KLF15: variants seen among roughly 807,000 people sequenced by gnomAD.
The protein encoded by KLF15 is Krueppel-like factor 15.
A neutral mutation model predicts 24.6 loss-of-function variants in KLF15; 4 were observed. That is an observed-to-expected ratio of 0.16 (90% CI 0.08 to 0.37). The LOEUF (loss-of-function observed/expected upper bound fraction) is 0.37. Ranked by LOEUF, KLF15 falls within the 10% of genes least tolerant of loss-of-function variation. The pLI, the probability that KLF15 is intolerant of heterozygous loss-of-function variation, is 1.00. For synonymous variants in KLF15, 246 were observed against 236.3 expected (o/e 1.04, Z -0.37); for missense variants, 496 against 560.6 (o/e 0.88, Z 1.16).
chr3:126,304,433 C>T, the KLF15 span, among the ~76,000 whole-genome samples: 4 of 152,158 alleles, frequency 2.6e-5, no homozygotes, highest in Admixed American at 6.5e-5. Context: ...ATTGTTCCCT[C>T]TAATCTTTTC....
At chr3:126,304,804 C>T in the KLF15 span, among the ~76,000 whole-genome samples, 1 of 152,212 alleles carries the variant, frequency 6.6e-6, no homozygotes, top group African/African-American at 2.4e-5. Context: ...TTGAAATTCA[C>T]CGAGTATGAG....
the KLF15 span, among the ~76,000 whole-genome samples, chr3:126,289,929 G>A: frequency 6.6e-6 from 1 of 152,214 alleles, no homozygotes; most frequent in Non-Finnish European, 1.5e-5. Context: ...GGGACAGAGG[G>A]AGGGTATGGT....
At chr3:126,332,295 C>T in the KLF15 span, among the ~76,000 whole-genome samples, 4 of 148,538 alleles carry the variant, frequency 2.7e-5, no homozygotes, top group African/African-American at 9.9e-5. Context: ...TGGGAGGCAC[C>T]CCCCAGCAGG....
At chr3:126,307,061 TCA>T in the KLF15 span, among the ~76,000 whole-genome samples, 1 of 152,190 alleles carries the variant, frequency 6.6e-6, no homozygotes, top group Non-Finnish European at 1.5e-5. Flanking sequence ...CTGCTTCCTC[TCA>T]CAGAGCACTT....
the KLF15 span, among the ~76,000 whole-genome samples, chr3:126,291,679 G>A: frequency 6.6e-6 from 1 of 152,256 alleles, no homozygotes. Flanking sequence ...CAGGCTCACA[G>A]ATGTCCCTGG....
chr3:126,347,238 G>A (rs771420601), intron 2 of KLF15, among the ~76,000 whole-genome samples: 45 of 152,252 alleles, frequency 3.0e-4, no homozygotes, highest in Middle Eastern at 6.8e-3. Context: ...AGACAACACC[G>A]CAAACAGTCC....
the KLF15 span, among the ~76,000 whole-genome samples, chr3:126,293,644 C>A: frequency 0.031 from 4,676 of 152,238 alleles, 227 homozygotes; most frequent in African/African-American, 0.11. Flanking sequence ...CCAGAAGACC[C>A]TGCAGAAAGT....
the KLF15 span, chr3:126,291,334 AC>A: frequency 2.0e-5 from 3 of 152,304 alleles, no homozygotes; most frequent in Non-Finnish European, 2.9e-5. Context: ...CTGACACCGC[AC>A]AAAAGAGGTC....
the KLF15 span, among the ~76,000 whole-genome samples, chr3:126,302,379 T>C: frequency 6.6e-6 from 1 of 152,218 alleles, no homozygotes; most frequent in Non-Finnish European, 1.5e-5. Context: ...GTTCTATAAA[T>C]GTCCATTAGG....
the KLF15 span, among the ~76,000 whole-genome samples, chr3:126,310,326 G>T: frequency 1.3e-5 from 2 of 152,220 alleles, no homozygotes; most frequent in Non-Finnish European, 2.9e-5. Flanking sequence ...TTTTGCCCAG[G>T]CCTGGCTGCA....
At position 126,343,614 on chromosome 3, in the gene KLF15, TG is replaced by T. The variant is rs2082501894; in HGVS notation, c.*112del. 4 of 1,061,930 alleles carry T rather than the reference TG, an allele frequency of 3.8e-6. No homozygotes were observed. Among genetic ancestry groups the T allele is most frequent in the African/African-American group, 3.3e-5 (2 of 60,622 alleles). 65.8% of individuals were successfully genotyped at this position (1,061,930 alleles called of 1,614,324 possible). On this transcript the variant is annotated 3_prime_UTR_variant, in exon 3 of 3. Transcript: ENST00000296233. ...TTCACACCTCCCAGGCTTCAGAAGG[TG>T]GGCTGGTAACATTGCCATGTCCCTC...
At chr3:126,351,434 G>A (rs1015223673) in intron 2 of KLF15, among the ~76,000 whole-genome samples, 1 of 152,228 alleles carries the variant, frequency 6.6e-6, no homozygotes, top group Admixed American at 6.5e-5. Context: ...CGGAGCCCTA[G>A]TGTCCTGTGA....
chr3:126,339,463 T>G (rs190936343), downstream of KLF15, among the ~76,000 whole-genome samples: 1 of 152,198 alleles, frequency 6.6e-6, no homozygotes, highest in Non-Finnish European at 1.5e-5. Flanking sequence ...CCAGGGCACA[T>G]CGAGATGTGC....
At position 126,351,982 on chromosome 3, in the gene KLF15, G is replaced by A. The variant is rs1245240704; in HGVS notation, c.941C>T (p.Ala314Val). Reference sequence around the variant, plus strand: ...TTTGTGCATTTTGATGAGTTCTGCGGCTGGGTTCTTGGGGAACTTCTGGCC... The same window carrying A: ...TTTGTGCATTTTGATGAGTTCTGCGACTGGGTTCTTGGGGAACTTCTGGCC... ...LMGQKFPKNP[A>V]AELIKMHKCT... Residue 314 changes from alanine (A) to valine (V), a missense_variant, in exon 2 of 3, where the codon GCC (alanine) becomes GTC (valine). Ala to Val is a moderately conservative substitution (Grantham distance 64). This residue lies in a region of KLF15 where 399 missense variants were observed against 423.1 expected (regional missense o/e 0.94). Coordinates refer to ENST00000296233, the MANE Select transcript of KLF15 (RefSeq NM_014079.4). The A allele has an allele frequency of 1.0e-5, 16 of 1,593,668 alleles. No homozygotes were observed. Among genetic ancestry groups the A allele is most frequent in the African/African-American group, 1.3e-5 (1 of 74,724 alleles).
the KLF15 span, among the ~76,000 whole-genome samples, chr3:126,292,500 T>C: frequency 6.6e-6 from 1 of 152,206 alleles, no homozygotes; most frequent in Non-Finnish European, 1.5e-5. Flanking sequence ...ACATCTACTG[T>C]GTGCAAGATG....
chr3:126,307,203 G>A, the KLF15 span, among the ~76,000 whole-genome samples: 5 of 152,084 alleles, frequency 3.3e-5, no homozygotes, highest in East Asian at 1.9e-4. Context: ...TGGGGCAGAC[G>A]CTCCTTCCCC....
the KLF15 span, among the ~76,000 whole-genome samples, chr3:126,307,132 A>T: frequency 6.6e-6 from 1 of 152,026 alleles, no homozygotes; most frequent in Admixed American, 6.5e-5. Context: ...AGCAGCACAG[A>T]TCCAGCACCC....
At chr3:126,319,094 A>T in the KLF15 span, among the ~76,000 whole-genome samples, 1 of 152,170 alleles carries the variant, frequency 6.6e-6, no homozygotes, top group Non-Finnish European at 1.5e-5. Flanking sequence ...CAAGCATTTA[A>T]ATTTCTTCCA....
the KLF15 span, among the ~76,000 whole-genome samples, chr3:126,329,827 A>G: frequency 7.5e-4 from 99 of 131,692 alleles, 1 homozygote; most frequent in African/African-American, 2.9e-3. Context: ...AAGTTTCAGC[A>G]TATTATTACA....
Sources: allele counts gnomAD v4.1 joint callset (sites outside exome capture counted in the v4.1 genomes callset), GRCh38; gene constraint gnomAD v4.1.1; regional missense constraint gnomAD v4.1.1; transcripts MANE v1.5; gene names NCBI Gene and HGNC (gene_info 2026-07-23, HGNC 2026-07-21).